Variants in C3orf52 observed in about 807,000 individuals in gnomAD.
C3orf52 encodes the protein TPA-induced transmembrane protein.
A neutral mutation model predicts 24.8 loss-of-function variants in C3orf52; 22 were observed. The ratio of observed to expected loss-of-function variants is 0.89; its 90% CI spans 0.63 to 1.27. The LOEUF is 1.27. Ranked by LOEUF, C3orf52 falls within the 50% of genes most tolerant of loss-of-function variation. The pLI is 0.00. For missense variants in C3orf52, 265 were observed against 260.7 expected (o/e 1.02, Z -0.11); for synonymous variants, 93 against 100.2 (o/e 0.93, Z 0.43).
chr3:112,105,539 C>CGTGT (rs3082397), intron 3 of C3orf52, among the ~76,000 whole-genome samples: 28 of 148,240 alleles, frequency 1.9e-4, no homozygotes, highest in African/African-American at 6.0e-4. Flanking sequence ...CTTCTTTGGC[C>CGTGT]GTGTGTGTGT....
chr3:112,135,700 G>C (rs114213381), downstream of C3orf52, among the ~76,000 whole-genome samples: 1 of 152,286 alleles, frequency 6.6e-6, no homozygotes, highest in Non-Finnish European at 1.5e-5. Flanking sequence ...CCTGGACAGA[G>C]AGCCTCCTTA....
chr3:112,118,370 T>TC (rs1015903463), downstream of C3orf52: 2 of 152,200 alleles, frequency 1.3e-5, no homozygotes, highest in African/African-American at 4.8e-5. Flanking sequence ...GCCTGGGTTC[T>TC]CCCCTCTGTT....
At chr3:112,123,263 T>C in intron 4 of C3orf52, 1 of 1,027,158 alleles carries the variant, frequency 9.7e-7, no homozygotes, top group South Asian at 1.7e-5. Context: ...TTGTTCAGGA[T>C]AAATGGTTGA....
intron 2 of C3orf52, among the ~76,000 whole-genome samples, chr3:112,094,282 A>T (rs1289750745): frequency 6.6e-6 from 1 of 152,232 alleles, no homozygotes; most frequent in Non-Finnish European, 1.5e-5. Context: ...GGCATGAGCC[A>T]CCATGCTTGG....
chr3:112,117,892 G>C lies in C3orf52; in HGVS notation c.*1246G>C, dbSNP rs2107792743. ...TTAAATGAGCCCTGGGTTAAAGTCAGTGTGAAGGGCAGCTGTGTGCGGGCA... is the reference window on the plus strand; with the variant it reads ...TTAAATGAGCCCTGGGTTAAAGTCACTGTGAAGGGCAGCTGTGTGCGGGCA... On this transcript the variant is annotated 3_prime_UTR_variant, in exon 6 of 6. Coordinates refer to ENST00000264848, the MANE Select transcript of C3orf52 (RefSeq NM_024616.3). 6.6e-6 allele frequency: 1 copy of C among 152,386 alleles called. No homozygotes were observed. The highest frequency in any genetic ancestry group is 2.1e-4 in the South Asian group (1 of 4,830). The allele number at this position is 152,386 out of a possible 1,614,324, so 9.4% of individuals were successfully genotyped here.
downstream of C3orf52, chr3:112,133,650 G>A (rs1197940443): frequency 6.5e-6 from 1 of 153,004 alleles, no homozygotes; most frequent in Non-Finnish European, 1.5e-5. Context: ...ATTAAAAGAT[G>A]CTAAACATTG....
chr3:112,106,506 C>T (rs545093380), intron 3 of C3orf52, among the ~76,000 whole-genome samples: 16 of 152,190 alleles, frequency 1.1e-4, no homozygotes, highest in Admixed American at 9.2e-4. Context: ...CTCCTATAAC[C>T]CAGGAAACTG....
the C3orf52 span, among the ~76,000 whole-genome samples, chr3:112,136,380 T>C: frequency 1.9e-3 from 283 of 152,350 alleles, 1 homozygote; most frequent in Non-Finnish European, 1.9e-3. Context: ...CTTTCTCTTC[T>C]ATTTTTGTGG....
At chr3:112,126,283 T>TTC (rs1218121119) in intron 4 of C3orf52, among the ~76,000 whole-genome samples, 1 of 152,202 alleles carries the variant, frequency 6.6e-6, no homozygotes, top group Non-Finnish European at 1.5e-5. Context: ...ATGAATTAGG[T>TTC]TCTCCTCTTT....
intron 3 of C3orf52, among the ~76,000 whole-genome samples, chr3:112,103,962 T>C (rs749403627): frequency 6.6e-6 from 1 of 152,186 alleles, no homozygotes; most frequent in Non-Finnish European, 1.5e-5. Flanking sequence ...CCTTTTAGCC[T>C]TTCTGTGTTT....
At chr3:112,132,243 G>A (rs1184679742), downstream of C3orf52, among the ~76,000 whole-genome samples, 2 of 152,108 alleles carry the variant, frequency 1.3e-5, no homozygotes, top group African/African-American at 4.8e-5. Flanking sequence ...TCGGCAAGTG[G>A]TCAAAAGTGG....
chr3:112,103,007 A>G, intron 3 of C3orf52, 42 bp downstream of exon 3: 1 of 1,593,348 alleles, frequency 6.3e-7, no homozygotes, highest in Non-Finnish European at 8.6e-7. Flanking sequence ...TCTTGACATT[A>G]GAATATGAAT....
At position 112,102,966 on chromosome 3, in the gene C3orf52, G is replaced by A. The variant is rs776539390; in HGVS notation, c.396+1G>A. 3 of 1,611,930 alleles carry A rather than the reference G, an allele frequency of 1.9e-6. No individual in the cohort carries two copies. Among genetic ancestry groups the A allele is most frequent in the East Asian group, 2.2e-5 (1 of 44,864 alleles). On this transcript the variant is annotated splice_donor_variant, in intron 3 of 5. Coordinates refer to ENST00000264848, the MANE Select transcript of C3orf52 (RefSeq NM_024616.3). LOFTEE classifies it high-confidence loss of function. ...ATTGCCTCACCTGCTCACCGAAAGG[G>A]TAATTCCATCTTATATATTGCCTAA...
chr3:112,116,909 A>G lies in C3orf52; in HGVS notation c.*263A>G, dbSNP rs781398624. ...GGTGGGGGCGATAGGGTCAGCGGGT[A>G]TGTCCCACTGTTGGAGGTCACTGGT... On this transcript the variant is annotated 3_prime_UTR_variant, in exon 6 of 6. Coordinates refer to ENST00000264848, the MANE Select transcript of C3orf52 (RefSeq NM_024616.3). The G allele has an allele frequency of 2.0e-6, 3 of 1,537,120 alleles. No homozygotes were observed. The highest frequency in any genetic ancestry group is 2.6e-6 in the Non-Finnish European group (3 of 1,146,810).
At chr3:112,090,270 T>G (rs2073865188) in intron 1 of C3orf52, among the ~76,000 whole-genome samples, 1 of 151,040 alleles carries the variant, frequency 6.6e-6, no homozygotes, top group Non-Finnish European at 1.5e-5. Context: ...GCTGGGAGTG[T>G]CTGACAGTTT....
chr3:112,132,233 T>G (rs2074473153), downstream of C3orf52, among the ~76,000 whole-genome samples: 1 of 152,166 alleles, frequency 6.6e-6, no homozygotes, highest in African/African-American at 2.4e-5. Flanking sequence ...AATCCTCTTT[T>G]CGGCAAGTGG....
chr3:112,107,557 T>C (rs541160502), intron 3 of C3orf52, among the ~76,000 whole-genome samples: 1 of 152,356 alleles, frequency 6.6e-6, no homozygotes, highest in East Asian at 1.9e-4. Flanking sequence ...TCACTGTATA[T>C]ATATCAATTT....
At chr3:112,102,469 C>G (rs2073981924) in intron 2 of C3orf52, among the ~76,000 whole-genome samples, 1 of 152,128 alleles carries the variant, frequency 6.6e-6, no homozygotes. Flanking sequence ...TGTAGTTTAG[C>G]CACCCCCACC....
At chr3:112,123,332 C>T in intron 4 of C3orf52, 1 of 1,494,674 alleles carries the variant, frequency 6.7e-7, no homozygotes, top group Non-Finnish European at 8.9e-7. Context: ...CCATGCTCTG[C>T]AGGGAAAGGG....
Sources: allele counts gnomAD v4.1 joint callset (sites outside exome capture counted in the v4.1 genomes callset), GRCh38; gene constraint gnomAD v4.1.1; transcripts MANE v1.5; gene names NCBI Gene and HGNC (gene_info 2026-07-23, HGNC 2026-07-21).